The following CNTNAP3 variants were observed in gnomAD, a reference collection of about 807,000 sequenced individuals.
The protein encoded by CNTNAP3 is contactin-associated protein-like 3.
Under a neutral mutation model 92.1 loss-of-function variants are expected in CNTNAP3, and 36 were observed. The ratio of observed to expected loss-of-function variants is 0.39; its 90% CI spans 0.30 to 0.52. The LOEUF is 0.52. Among genes scored for constraint, CNTNAP3 ranks in the 20% least tolerant of loss-of-function variants. CNTNAP3 has a pLI of 0.76. For synonymous variants in CNTNAP3, 232 were observed against 422.3 expected, an observed-to-expected ratio of 0.55 and a Z score of 5.53; for missense variants, 534 against 1,069.6, an observed-to-expected ratio of 0.50 and a Z score of 6.98.
intron 10 of CNTNAP3, 53 bp from the exon 11 acceptor site, chr9:39,144,399 A>G: frequency 6.6e-7 from 1 of 1,509,120 alleles, no homozygotes; most frequent in South Asian, 1.3e-5. Context: ...ATCAAAAAAT[A>G]AGTGTCTTAC....
At chr9:39,091,512 CTGTTAAAACAACT>C (rs1327450311) in intron 18 of CNTNAP3, among the ~76,000 whole-genome samples, 1 of 152,080 alleles carries the variant, frequency 6.6e-6, no homozygotes, top group Non-Finnish European at 1.5e-5. Flanking sequence ...TGATTTTCAG[CTGTTAAAACAACT>C]TTCCATTTCT....
intron 13 of CNTNAP3, among the ~76,000 whole-genome samples, chr9:39,122,612 AACT>A (rs1466647829): frequency 6.6e-6 from 1 of 152,210 alleles, no homozygotes. Flanking sequence ...AATTCAGCCT[AACT>A]ACTAACTAGA....
chr9:39,112,657 C>T (rs1212019698), intron 14 of CNTNAP3, among the ~76,000 whole-genome samples: 1 of 152,130 alleles, frequency 6.6e-6, no homozygotes, highest in Non-Finnish European at 1.5e-5. Context: ...AGCCACCGCG[C>T]CCAGCCCAAC....
chr9:39,137,431 T>TCCA (rs1455506560), intron 12 of CNTNAP3, among the ~76,000 whole-genome samples: 1 of 152,184 alleles, frequency 6.6e-6, no homozygotes, highest in Non-Finnish European at 1.5e-5. Context: ...TACAGCTTTT[T>TCCA]CCATATTAAT....
chr9:39,147,184 A>G (rs542769112), intron 10 of CNTNAP3, among the ~76,000 whole-genome samples: 1 of 150,352 alleles, frequency 6.7e-6, no homozygotes, highest in Non-Finnish European at 1.5e-5. Flanking sequence ...CTGTGAATCC[A>G]TTAAGCCTTT....
At chr9:39,119,336 C>T (rs1287855141) in intron 13 of CNTNAP3, among the ~76,000 whole-genome samples, 1 of 144,498 alleles carries the variant, frequency 6.9e-6, no homozygotes, top group Non-Finnish European at 1.5e-5. Context: ...CCACCACTAT[C>T]CATCACCTGC....
rs1339938084 is a variant in CNTNAP3, at chr9:39,073,784, C to G, written c.*106G>C. The G allele has an allele frequency of 5.0e-6, 8 of 1,596,260 alleles. No homozygotes were observed. The highest frequency in any genetic ancestry group is 6.8e-6 in the Non-Finnish European group (8 of 1,179,706). On this transcript the variant is annotated 3_prime_UTR_variant, in exon 24 of 24. Coordinates refer to ENST00000297668, the MANE Select transcript of CNTNAP3 (RefSeq NM_033655.5). ...CCCTGATGGCAACAGCAGGGAAGTC[C>G]ACAGTCACGATGATAGAGACAGCCA...
At position 39,129,743 on chromosome 9, in the gene CNTNAP3, G is replaced by T. The variant is rs552322843; in HGVS notation, c.2080+3189C>A. ...TTTGCAAATCACATATCCAGCAAAG[G>T]GCTAGTATCTAGAATGTATAAAGAA... is the stretch of plus-strand genomic sequence containing the variant. On this transcript the variant is annotated intron_variant, in intron 13 of 23. Coordinates refer to ENST00000297668, the MANE Select transcript of CNTNAP3 (RefSeq NM_033655.5). Among the ~76,000 whole-genome samples the T allele has an allele frequency of 4.6e-5, 7 of 152,116 alleles. No homozygotes were observed. The South Asian group carries it at 1.5e-3, about 32-fold the overall frequency.
intron 23 of CNTNAP3, among the ~76,000 whole-genome samples, chr9:39,077,330 G>T (rs1457867473): frequency 6.6e-6 from 1 of 151,686 alleles, no homozygotes; most frequent in African/African-American, 2.4e-5. Flanking sequence ...AGGCCGAGGC[G>T]GGTGGATCAC....
At chr9:39,074,502 G>A (rs964875677) in intron 23 of CNTNAP3, among the ~76,000 whole-genome samples, 15 of 151,222 alleles carry the variant, frequency 9.9e-5, no homozygotes, top group African/African-American at 3.4e-4. Flanking sequence ...TACTTCTGAC[G>A]GACTATGACT....
chr9:39,115,219 A>T (rs1414466040), intron 14 of CNTNAP3, among the ~76,000 whole-genome samples: 1 of 150,776 alleles, frequency 6.6e-6, no homozygotes, highest in Non-Finnish European at 1.5e-5. Context: ...ATGCCTGAAG[A>T]GACTTAAAAT....
intron 21 of CNTNAP3, among the ~76,000 whole-genome samples, chr9:39,082,430 G>T (rs549296738): frequency 2.0e-5 from 3 of 151,364 alleles, no homozygotes; most frequent in African/African-American, 7.3e-5. Flanking sequence ...ACCAATAAAG[G>T]ACTAATTGAT....
chr9:39,085,576 A>T (rs1826045997), intron 21 of CNTNAP3, 160 bp downstream of exon 21: 1 of 697,668 alleles, frequency 1.4e-6, no homozygotes, highest in African/African-American at 1.9e-5. Flanking sequence ...CTTAGTCATG[A>T]TTATATGTAC....
At chr9:39,092,937 A>G (rs1826240692) in intron 18 of CNTNAP3, among the ~76,000 whole-genome samples, 1 of 143,408 alleles carries the variant, frequency 7.0e-6, no homozygotes, top group South Asian at 2.3e-4. Flanking sequence ...TTTTTGAGGG[A>G]GTTAACTTTT....
Position 39,068,243 on chromosome 9 carries a change from C to CAAAAAAAAAAAAAA in CNTNAP3, c.*5633_*5646dup, listed in dbSNP as rs1198106886. 1.4e-3 allele frequency among the ~76,000 whole-genome samples: 176 copies of CAAAAAAAAAAAAAA among 129,266 alleles called. No homozygotes were observed. The highest frequency in any genetic ancestry group is 2.1e-3 in the East Asian group (9 of 4,386). The allele number at this position is 129,266 out of a possible 152,430, so 84.8% of individuals were successfully genotyped here. On this transcript the variant is annotated 3_prime_UTR_variant, in exon 24 of 24. Transcript: ENST00000297668. Reference sequence around the variant, plus strand: ...TGAAACCTTGCCTCCACTAAAAATACAAAAAAAAAAAAAAAAAAAAAAATT... The same window carrying CAAAAAAAAAAAAAA: ...TGAAACCTTGCCTCCACTAAAAATACAAAAAAAAAAAAAAAAAAAAAAAAAAAAAAAAAAAAATT...
intron 13 of CNTNAP3, among the ~76,000 whole-genome samples, chr9:39,123,399 T>C (rs1821083252): frequency 6.6e-6 from 1 of 151,958 alleles, no homozygotes; most frequent in South Asian, 2.1e-4. Context: ...CCCGACCCTG[T>C]TGGACAATTT....
rs1408801887 is a variant in CNTNAP3, at chr9:39,144,256, G to A, written c.1740C>T (p.Gly580=). 1.3e-5 allele frequency: 21 copies of A among 1,587,406 alleles called. No individual in the cohort carries two copies. The African/African-American group carries it at 1.4e-4, about 10-fold the overall frequency. Residue 580 remains glycine, a synonymous_variant, in exon 11 of 24, where the codon GGC becomes GGT. Coordinates refer to ENST00000297668, the MANE Select transcript of CNTNAP3 (RefSeq NM_033655.5). ...GAGGCTTACAGGAATGGCAGGTCTC[G>A]CCCGTATAGCCTGTGCCTAGACAGT... ...SCDCLGTGYT[G]ETCHSSLYEQ... is the part of the protein sequence containing the mutation.
In CNTNAP3 at chr9:39,078,748, C is replaced by G. The variant is rs1313471914; in HGVS notation, c.3615G>C (p.Ala1205=). The change falls in exon 22 of 24, where the codon GCG becomes GCC. Residue 1205 remains alanine, a synonymous_variant. Coordinates refer to ENST00000297668, the MANE Select transcript of CNTNAP3 (RefSeq NM_033655.5). ...GHVAPMARCA[A]GAASGSPARE... ...GCGCCGGGGAGCCGGACGCCGCCCC[C>G]GCTGCGCAGCGGGCCATAGGGGCCA... 27 of 1,486,902 alleles carry G rather than the reference C, an allele frequency of 1.8e-5. No homozygotes were observed. The highest frequency in any genetic ancestry group is 2.3e-5 in the Non-Finnish European group (26 of 1,128,098). The allele number at this position is 1,486,902 out of a possible 1,614,324, so 92.1% of individuals were successfully genotyped here.
intron 4 of CNTNAP3, among the ~76,000 whole-genome samples, chr9:39,183,990 A>C (rs529746151): frequency 3.3e-5 from 5 of 149,640 alleles, no homozygotes; most frequent in African/African-American, 9.9e-5. Context: ...TAGTTTTGTC[A>C]GTTCCAAAAT....
Sources: gnomAD v4.1 joint callset for allele counts (sites outside exome capture counted in the v4.1 genomes callset) on GRCh38, gnomAD v4.1.1 for gene constraint, MANE v1.5 for transcripts, NCBI Gene and HGNC (gene_info 2026-07-23, HGNC 2026-07-21) for gene names.